The following PRORP variants were observed in gnomAD, a reference collection of about 807,000 sequenced individuals.
PRORP encodes the protein protein only RNase P catalytic subunit.
A neutral mutation model predicts 59.4 loss-of-function variants in PRORP; 51 were observed. The ratio of observed to expected loss-of-function variants is 0.86; its 90% CI spans 0.69 to 1.08. The LOEUF (loss-of-function observed/expected upper bound fraction) is 1.08, where lower values mean the gene tolerates loss of function less well. Among genes scored for constraint, PRORP ranks in the 50% least tolerant of loss-of-function variants. The pLI is 0.00. For synonymous variants in PRORP, 231 were observed against 245.6 expected, an observed-to-expected ratio of 0.94 and a Z score of 0.55; for missense variants, 646 against 690.3, an observed-to-expected ratio of 0.94 and a Z score of 0.72.
chr14:35,216,124 A>AATATATAATATATTTATATTT lies in PRORP; in HGVS notation c.1275+35366_1275+35367insTTATATATAATATATTTATAT, dbSNP rs1287037813. 8.8e-5 allele frequency among the ~76,000 whole-genome samples: 13 copies of AATATATAATATATTTATATTT among 147,770 alleles called. No individual in the cohort carries two copies. The East Asian group carries it at 1.4e-3, about 15-fold the overall frequency. On this transcript the variant is annotated intron_variant, in intron 5 of 7. Coordinates refer to ENST00000534898, the MANE Select transcript of PRORP (RefSeq NM_014672.4). ...TATGTATATATTTATATTTATATAT[A>AATATATAATATATTTATATTT]ATATATAATATATTTATATAATACA...
Position 35,262,607 on chromosome 14 carries a change from GA to G in PRORP, c.1276-4117del, listed in dbSNP as rs1036168498. The G allele has an allele frequency of 3.3e-5, 24 of 729,810 alleles. No homozygotes were observed. In the Admixed American group the frequency reaches 3.3e-4, roughly 10 times the overall value. The allele number at this position is 729,810 out of a possible 1,614,324, so 45.2% of individuals were successfully genotyped here. On this transcript the variant is annotated intron_variant, in intron 5 of 7. Transcript: ENST00000534898. ...AGTGTAGATTCAGTCTTCTTGGAAA[GA>G]AAGAAAAGAGGCTCCAGGTTGATAA...
intron 5 of PRORP, among the ~76,000 whole-genome samples, chr14:35,216,836 C>T (rs1010289188): frequency 2.0e-5 from 3 of 152,124 alleles, no homozygotes; most frequent in Admixed American, 6.5e-5. Context: ...TTATTATAGT[C>T]GTACTAATAG....
At chr14:35,238,361 C>T (rs1003084703) in intron 5 of PRORP, among the ~76,000 whole-genome samples, 1 of 152,150 alleles carries the variant, frequency 6.6e-6, no homozygotes, top group African/African-American at 2.4e-5. Context: ...TTGTTTACAC[C>T]TGTAGGTTTG....
chr14:35,268,921 CAGT>C (rs1177543147), intron 6 of PRORP, among the ~76,000 whole-genome samples: 1 of 152,178 alleles, frequency 6.6e-6, no homozygotes, highest in Non-Finnish European at 1.5e-5. Flanking sequence ...TTAAAAAGTA[CAGT>C]AGCTCTCAAT....
intron 4 of PRORP, among the ~76,000 whole-genome samples, chr14:35,140,499 AT>A (rs1189171631): frequency 6.9e-6 from 1 of 145,720 alleles, no homozygotes; most frequent in African/African-American, 2.4e-5. Context: ...TTGGTATAAT[AT>A]TTATTTGTTC....
chr14:35,216,157 T>TAG (rs146699268), intron 5 of PRORP, among the ~76,000 whole-genome samples: 1 of 68,164 alleles, frequency 1.5e-5, no homozygotes, highest in Admixed American at 1.8e-4. Flanking sequence ...ACATTTATAT[T>TAG]AGAGAGAGAG....
intron 2 of PRORP, among the ~76,000 whole-genome samples, chr14:35,125,549 A>G (rs569204235): frequency 6.6e-6 from 1 of 152,188 alleles, no homozygotes; most frequent in South Asian, 2.1e-4. Flanking sequence ...TTGCTTCCTA[A>G]AAATTTGTTC....
chr14:35,163,181 G>T (rs2048103246), intron 4 of PRORP, among the ~76,000 whole-genome samples: 1 of 152,010 alleles, frequency 6.6e-6, no homozygotes, highest in Non-Finnish European at 1.5e-5. Flanking sequence ...TTTTATATAT[G>T]TGACAGAGTC....
chr14:35,152,657 G>A (rs954234284), intron 4 of PRORP, among the ~76,000 whole-genome samples: 11 of 150,518 alleles, frequency 7.3e-5, no homozygotes, highest in East Asian at 2.0e-4. Context: ...TGGCGGAGAC[G>A]CTCCTCACTT....
At chr14:35,132,910 T>C (rs1347723801) in intron 4 of PRORP, among the ~76,000 whole-genome samples, 4 of 151,106 alleles carry the variant, frequency 2.6e-5, no homozygotes, top group Non-Finnish European at 5.9e-5. Flanking sequence ...TTTTTTTGTT[T>C]TGTTTTGTTT....
intron 5 of PRORP, among the ~76,000 whole-genome samples, chr14:35,255,169 C>T (rs1419709273): frequency 2.0e-5 from 3 of 152,074 alleles, no homozygotes; most frequent in Non-Finnish European, 4.4e-5. Flanking sequence ...ACTTTGTCTC[C>T]CAGGCTGGAG....
At chr14:35,127,755 T>A in intron 4 of PRORP, 144 bp downstream of exon 4, 1 of 743,882 alleles carries the variant, frequency 1.3e-6, no homozygotes, top group Non-Finnish European at 2.2e-6. Flanking sequence ...CTGTTGTAGT[T>A]AAGACATCCA....
rs201974819 is a variant in PRORP at position 35,166,015 on chromosome 14, A to AT, written c.1168-14647dup. ...TATTTTTTAATCTCGGGGAAGTTATATTTTTTTTAAAAAAAAGATTCTTCT... is the reference window on the plus strand; with the variant it reads ...TATTTTTTAATCTCGGGGAAGTTATATTTTTTTTTAAAAAAAAGATTCTTCT... On this transcript the variant is annotated intron_variant, in intron 4 of 7. Coordinates refer to ENST00000534898, the MANE Select transcript of PRORP (RefSeq NM_014672.4). 8.6e-5 allele frequency among the ~76,000 whole-genome samples: 13 copies of AT among 151,444 alleles called. 1 individual carries two copies. In the South Asian group the frequency reaches 1.5e-3, roughly 17 times the overall value.
At chr14:35,218,207 C>T (rs892220710) in intron 5 of PRORP, among the ~76,000 whole-genome samples, 1 of 152,000 alleles carries the variant, frequency 6.6e-6, no homozygotes, top group East Asian at 1.9e-4. Flanking sequence ...TGCATGTAAT[C>T]TCAGTACTTT....
intron 5 of PRORP, among the ~76,000 whole-genome samples, chr14:35,194,073 A>G (rs1182189672): frequency 1.3e-5 from 2 of 152,112 alleles, no homozygotes; most frequent in Non-Finnish European, 2.9e-5. Context: ...TGGGATTACT[A>G]CTAGAGGCAG....
chr14:35,207,243 C>T (rs1382855636), intron 5 of PRORP, among the ~76,000 whole-genome samples: 2 of 152,176 alleles, frequency 1.3e-5, no homozygotes, highest in African/African-American at 2.4e-5. Flanking sequence ...ATTGCCTACA[C>T]GCTTTAACTC....
At chr14:35,242,745 GTGACTTTGTTCC>G (rs1411047924) in intron 5 of PRORP, among the ~76,000 whole-genome samples, 1 of 152,096 alleles carries the variant, frequency 6.6e-6, no homozygotes, top group Non-Finnish European at 1.5e-5. Context: ...GTTTGGTATT[GTGACTTTGTTCC>G]TGACCTGGGT....
chr14:35,167,912 T>C (rs948698083), intron 4 of PRORP, among the ~76,000 whole-genome samples: 1 of 152,368 alleles, frequency 6.6e-6, no homozygotes, highest in South Asian at 2.1e-4. Flanking sequence ...ATGTTAACTA[T>C]ATCCATGTGC....
chr14:35,257,633 T>C (rs922451212), intron 5 of PRORP, among the ~76,000 whole-genome samples: 6 of 152,228 alleles, frequency 3.9e-5, no homozygotes, highest in African/African-American at 1.4e-4. Flanking sequence ...AAAACAGTTT[T>C]TAAGTTCTTT....
Sources: gnomAD v4.1 joint callset for allele counts (sites outside exome capture counted in the v4.1 genomes callset) on GRCh38, gnomAD v4.1.1 for gene constraint, MANE v1.5 for transcripts, NCBI Gene and HGNC (gene_info 2026-07-23, HGNC 2026-07-21) for gene names.